The following NR2C2 variants were observed in gnomAD, a reference collection of about 807,000 sequenced individuals.
The protein encoded by NR2C2 is nuclear receptor subfamily 2 group C member 2.
Under a neutral mutation model 62.9 loss-of-function variants are expected in NR2C2, and 6 were observed. The observed-to-expected ratio is 0.10, with a 90% confidence interval of 0.05 to 0.19. The LOEUF is 0.19. NR2C2 is among the 10% of genes least tolerant of loss of function. The pLI, the probability that NR2C2 is intolerant of heterozygous loss-of-function variation, is 1.00. For synonymous variants in NR2C2, 272 were observed against 273.8 expected (o/e 0.99, Z 0.07); for missense variants, 479 against 762.7 (o/e 0.63, Z 4.38).
rs1302620672 is a variant in NR2C2 at position 15,047,246 on chromosome 3, C to T, written c.*4238C>T. The stretch of plus-strand genomic sequence containing the variant: ...GGGAAGATTTGCTGGTGATTTTCTT[C>T]ACTCCATTTTCCTTTGGGTGAGCCT... On this transcript the variant is annotated 3_prime_UTR_variant, in exon 14 of 14. Coordinates refer to ENST00000425241, the MANE Select transcript of NR2C2 (RefSeq NM_001291694.2). 1 of 152,372 alleles carries T rather than the reference C, an allele frequency of 6.6e-6. No homozygotes were observed. Among genetic ancestry groups the T allele is most frequent in the Non-Finnish European group, 1.5e-5 (1 of 68,040 alleles). 9.4% of individuals were successfully genotyped at this position (152,372 alleles called of 1,614,324 possible).
chr3:14,997,107 A>G (rs2040855369), intron 1 of NR2C2, among the ~76,000 whole-genome samples: 1 of 152,238 alleles, frequency 6.6e-6, no homozygotes, highest in Non-Finnish European at 1.5e-5. Flanking sequence ...GAAGGAAGGT[A>G]GTCCCATAAG....
At chr3:15,041,355 T>C (rs2042259175) in intron 13 of NR2C2, among the ~76,000 whole-genome samples, 1 of 152,162 alleles carries the variant, frequency 6.6e-6, no homozygotes, top group Non-Finnish European at 1.5e-5. Flanking sequence ...AAGGCCCAGC[T>C]GAGATGGCAG....
chr3:15,004,475 T>C (rs2041110791), intron 2 of NR2C2: 1 of 1,337,332 alleles, frequency 7.5e-7, no homozygotes, highest in Non-Finnish European at 1.0e-6. Context: ...TAATGTTCAA[T>C]ATTTACTAAT....
chr3:15,007,984 C>G (rs567890995), intron 2 of NR2C2, among the ~76,000 whole-genome samples: 11 of 152,170 alleles, frequency 7.2e-5, no homozygotes, highest in Non-Finnish European at 1.2e-4. Context: ...GCTACCAAGC[C>G]CTTTCTCGGG....
At position 15,043,079 on chromosome 3, in the gene NR2C2, G is replaced by A. The variant is rs189683000; in HGVS notation, c.*71G>A. 6 of 1,426,028 alleles carry A rather than the reference G, an allele frequency of 4.2e-6. No homozygotes were observed. The Admixed American group carries it at 9.1e-5, about 22-fold the overall frequency. 88.3% of individuals were successfully genotyped at this position (1,426,028 alleles called of 1,614,324 possible). The stretch of plus-strand genomic sequence containing the variant: ...CGTTCACATACAAAGAAAAGTAGTG[G>A]TATTTTGGTATGTGCAAATATTTCC... On this transcript the variant is annotated 3_prime_UTR_variant, in exon 14 of 14. Coordinates refer to ENST00000425241, the MANE Select transcript of NR2C2 (RefSeq NM_001291694.2).
intron 2 of NR2C2, among the ~76,000 whole-genome samples, chr3:15,004,374 G>A (rs1164789393): frequency 6.6e-6 from 1 of 152,136 alleles, no homozygotes; most frequent in Admixed American, 6.5e-5. Flanking sequence ...TTGGAAAATA[G>A]ACATAATAGT....
At chr3:15,010,815 T>C (rs902380172) in intron 2 of NR2C2, among the ~76,000 whole-genome samples, 2 of 152,112 alleles carry the variant, frequency 1.3e-5, no homozygotes, top group African/African-American at 2.4e-5. Context: ...CAACATACCC[T>C]GACCTCATAC....
In NR2C2 at chr3:15,047,883, T is replaced by G. The variant is rs776311425; in HGVS notation, c.*4875T>G. The G allele has an allele frequency of 2.6e-5, 4 of 152,372 alleles. No homozygotes were observed. The highest frequency in any genetic ancestry group is 4.4e-5 in the Non-Finnish European group (3 of 68,042). The allele number at this position is 152,372 out of a possible 1,614,324, so 9.4% of individuals were successfully genotyped here. ...TTCAGATAAGAATTGCATTTTAATA[T>G]GGATATGTGTGCCCTTAAAAGCTAC... On this transcript the variant is annotated 3_prime_UTR_variant, in exon 14 of 14. Coordinates refer to ENST00000425241, the MANE Select transcript of NR2C2 (RefSeq NM_001291694.2).
At chr3:15,034,836 G>A in intron 11 of NR2C2, 27 bp downstream of exon 11, 4 of 1,590,236 alleles carry the variant, frequency 2.5e-6, no homozygotes, top group Admixed American at 1.7e-5. Flanking sequence ...TGGGGCTGGG[G>A]TGTGTCTTGG....
chr3:14,963,174 A>T (rs888192396), intron 1 of NR2C2, among the ~76,000 whole-genome samples: 9 of 152,228 alleles, frequency 5.9e-5, no homozygotes, highest in African/African-American at 1.9e-4. Flanking sequence ...TGTGCAGGCA[A>T]CTTGACATGA....
At chr3:15,020,608 T>G in intron 4 of NR2C2, 145 bp from the exon 5 acceptor site, 1 of 764,218 alleles carries the variant, frequency 1.3e-6, no homozygotes, top group South Asian at 1.8e-5. Flanking sequence ...GTATGCTTAA[T>G]GCTCAGGCCA....
intron 7 of NR2C2, chr3:15,026,801 G>C (rs979057412): frequency 6.6e-6 from 1 of 152,204 alleles, no homozygotes; most frequent in Non-Finnish European, 1.5e-5. Flanking sequence ...CTGAGTTCAA[G>C]CAATTCTCCT....
intron 1 of NR2C2, among the ~76,000 whole-genome samples, chr3:14,963,719 C>T (rs1442685062): frequency 2.6e-5 from 4 of 152,190 alleles, no homozygotes; most frequent in Admixed American, 2.0e-4. Context: ...ATCCGCCTGC[C>T]TCTGCCTCCC....
intron 1 of NR2C2, among the ~76,000 whole-genome samples, chr3:14,973,571 T>A (rs567357449): frequency 6.6e-6 from 1 of 152,204 alleles, no homozygotes; most frequent in African/African-American, 2.4e-5. Flanking sequence ...CATTTAGTAC[T>A]AAATTTTAGA....
intron 7 of NR2C2, among the ~76,000 whole-genome samples, chr3:15,024,479 A>T (rs374825136): frequency 6.6e-6 from 1 of 152,198 alleles, no homozygotes; most frequent in Non-Finnish European, 1.5e-5. Context: ...CTTTTCTGTT[A>T]TAGTTTTCTT....
At chr3:15,024,004 T>G in intron 6 of NR2C2, 111 bp from the exon 7 acceptor site, 1 of 769,170 alleles carries the variant, frequency 1.3e-6, no homozygotes, top group Non-Finnish European at 2.2e-6. Flanking sequence ...ACTTAGAGCT[T>G]TTCTACTATT....
intron 5 of NR2C2, 91 bp downstream of exon 5, chr3:15,021,023 A>C (rs1575016226): frequency 1.6e-6 from 2 of 1,277,510 alleles, no homozygotes; most frequent in East Asian, 4.9e-5. Context: ...CTGGCCTTAA[A>C]ATACTTTAAG....
chr3:15,020,217 CTGTGA>C (rs1387371125), intron 4 of NR2C2, among the ~76,000 whole-genome samples: 2 of 152,190 alleles, frequency 1.3e-5, no homozygotes, highest in African/African-American at 4.8e-5. Context: ...ATGCTTCTCC[CTGTGA>C]CTATCCCGCT....
intron 12 of NR2C2, chr3:15,038,454 T>G (rs796903981): frequency 4.7e-5 from 10 of 214,040 alleles, no homozygotes; most frequent in African/African-American, 2.1e-4. Context: ...TTTCTTTTTT[T>G]TCCGGCCCTT....
Sources: gnomAD v4.1 joint callset for allele counts (sites outside exome capture counted in the v4.1 genomes callset) on GRCh38, gnomAD v4.1.1 for gene constraint, MANE v1.5 for transcripts, NCBI Gene and HGNC (gene_info 2026-07-23, HGNC 2026-07-21) for gene names.